The following CRACD variants were observed in gnomAD, a reference collection of about 807,000 sequenced individuals.
CRACD encodes capping protein inhibiting regulator of actin dynamics.
A neutral mutation model predicts 106.8 loss-of-function variants in CRACD; 56 were observed. The observed-to-expected ratio is 0.52, with a 90% CI of 0.42 to 0.66. The LOEUF is 0.66. Among genes scored for constraint, CRACD ranks in the 30% least tolerant of loss-of-function variants. The pLI, the probability that CRACD is intolerant of heterozygous loss-of-function variation, is 0.00. For missense variants in CRACD, 1,730 were observed against 1,623.2 expected (o/e 1.07, Z -1.13); for synonymous variants, 754 against 670.8 (o/e 1.12, Z -1.92).
chr4:56,306,935 G>A (rs1279124884), intron 4 of CRACD, among the ~76,000 whole-genome samples: 1 of 152,196 alleles, frequency 6.6e-6, no homozygotes, highest in Non-Finnish European at 1.5e-5. Context: ...AAGACTTGCT[G>A]GCCCTGGGGC....
rs1307114825 is a variant in CRACD, at chr4:56,136,498, G to T, written c.-335-42786G>T. 2.0e-5 allele frequency among the ~76,000 whole-genome samples: 3 copies of T among 152,126 alleles called. No homozygotes were observed. The South Asian group carries it at 6.2e-4, about 32-fold the overall frequency. On this transcript the variant is annotated intron_variant, in intron 1 of 10. Coordinates refer to ENST00000682029, the MANE Select transcript of CRACD (RefSeq NM_001393381.1). Reference sequence around the variant, plus strand: ...TCTTTTGTGATTTTAATTTGCATTTGCCTAATGGCTAATGATGTTAAACAT... The same window carrying T: ...TCTTTTGTGATTTTAATTTGCATTTTCCTAATGGCTAATGATGTTAAACAT...
chr4:56,280,634 A>G (rs762961616), intron 3 of CRACD, among the ~76,000 whole-genome samples: 1 of 115,152 alleles, frequency 8.7e-6, no homozygotes, highest in Non-Finnish European at 1.8e-5. Flanking sequence ...CATTTATTCA[A>G]TGAATGAATG....
intron 1 of CRACD, among the ~76,000 whole-genome samples, chr4:56,070,533 C>T (rs944822617): frequency 1.7e-4 from 26 of 152,112 alleles, no homozygotes; most frequent in East Asian, 1.9e-4. Flanking sequence ...GTGATCCGCC[C>T]GCCTCGGCCT....
intron 1 of CRACD, among the ~76,000 whole-genome samples, chr4:56,108,276 T>C (rs1734011078): frequency 6.6e-6 from 1 of 152,202 alleles, no homozygotes; most frequent in South Asian, 2.1e-4. Flanking sequence ...TATAATCCTG[T>C]ATCATTAATA....
chr4:56,068,847 G>A (rs1382585337), intron 1 of CRACD, among the ~76,000 whole-genome samples: 2 of 152,062 alleles, frequency 1.3e-5, no homozygotes, highest in African/African-American at 4.8e-5. Context: ...CCCCCTCCCC[G>A]AGACTCATGT....
At chr4:56,182,405 A>G (rs1467686192) in intron 2 of CRACD, among the ~76,000 whole-genome samples, 1 of 151,422 alleles carries the variant, frequency 6.6e-6, no homozygotes, top group Non-Finnish European at 1.5e-5. Flanking sequence ...GCAGAACAAC[A>G]ACTCCAAAAC....
chr4:56,096,529 A>G (rs1166059660), intron 1 of CRACD, among the ~76,000 whole-genome samples: 1 of 152,164 alleles, frequency 6.6e-6, no homozygotes, highest in Non-Finnish European at 1.5e-5. Context: ...CCTGGATGAC[A>G]TGGTGAAACC....
intron 8 of CRACD, among the ~76,000 whole-genome samples, chr4:56,318,937 T>C (rs1450890816): frequency 6.6e-6 from 1 of 152,208 alleles, no homozygotes; most frequent in Non-Finnish European, 1.5e-5. Flanking sequence ...TGCTATTTTT[T>C]ATTCTCTTTG....
intron 1 of CRACD, among the ~76,000 whole-genome samples, chr4:56,174,349 T>A (rs986882716): frequency 6.6e-6 from 1 of 152,234 alleles, no homozygotes; most frequent in African/African-American, 2.4e-5. Context: ...ACAATAAATA[T>A]TGTTAACTAA....
At chr4:56,292,900 A>T (rs1035376479) in intron 3 of CRACD, among the ~76,000 whole-genome samples, 13 of 152,170 alleles carry the variant, frequency 8.5e-5, no homozygotes, top group African/African-American at 3.1e-4. Context: ...GACCACAAGA[A>T]AAACAAGATA....
intron 2 of CRACD, among the ~76,000 whole-genome samples, chr4:56,239,259 C>T (rs903695116): frequency 6.6e-6 from 1 of 151,912 alleles, no homozygotes; most frequent in Non-Finnish European, 1.5e-5. Flanking sequence ...TGCCACTGCA[C>T]TCCCGCCTGC....
intron 1 of CRACD, among the ~76,000 whole-genome samples, chr4:56,178,366 G>T (rs1247805827): frequency 6.6e-6 from 1 of 152,012 alleles, no homozygotes; most frequent in South Asian, 2.1e-4. Context: ...AAAACCAGTG[G>T]GTGTCTCAAA....
chr4:56,087,016 C>CT (rs916138325), intron 1 of CRACD, among the ~76,000 whole-genome samples: 24 of 151,918 alleles, frequency 1.6e-4, no homozygotes, highest in Non-Finnish European at 2.5e-4. Context: ...GGGATTTTGT[C>CT]TTTTTTTTAT....
chr4:56,159,638 C>T (rs982194721), intron 1 of CRACD, among the ~76,000 whole-genome samples: 31 of 152,138 alleles, frequency 2.0e-4, no homozygotes, highest in East Asian at 7.7e-4. Context: ...GGTGACAGAG[C>T]GAGACTCCTT....
At chr4:56,247,937 A>T (rs1217615569) in intron 2 of CRACD, among the ~76,000 whole-genome samples, 1 of 152,132 alleles carries the variant, frequency 6.6e-6, no homozygotes, top group Non-Finnish European at 1.5e-5. Context: ...ACAGTACTCC[A>T]CAGTATTTTA....
At chr4:56,231,640 T>C (rs1230984253) in intron 2 of CRACD, among the ~76,000 whole-genome samples, 1 of 152,188 alleles carries the variant, frequency 6.6e-6, no homozygotes, top group African/African-American at 2.4e-5. Context: ...GAATGCAAAG[T>C]AGCAATGGTA....
At chr4:56,076,620 C>T (rs1419398547) in intron 1 of CRACD, among the ~76,000 whole-genome samples, 2 of 152,208 alleles carry the variant, frequency 1.3e-5, no homozygotes, top group African/African-American at 2.4e-5. Context: ...ATATCATTCC[C>T]TCTGCCTGGA....
rs1310629861 is a variant in CRACD, at chr4:56,315,002, C to T, written c.1500C>T (p.Ala500=). ...PLLKQEGPVE[A]AQPPVERKEA... is the part of the protein sequence containing the mutation. Reference sequence around the variant, plus strand: ...TGAAACAAGAGGGGCCGGTGGAAGCCGCGCAGCCTCCGGTGGAGAGGAAAG... The same window carrying T: ...TGAAACAAGAGGGGCCGGTGGAAGCTGCGCAGCCTCCGGTGGAGAGGAAAG... The change falls in exon 8 of 11, where the codon GCC becomes GCT. Residue 500 remains alanine, a synonymous_variant. Coordinates refer to ENST00000682029, the MANE Select transcript of CRACD (RefSeq NM_001393381.1). This position sits in a 1 kb window ranked among gnomAD's most constrained non-coding sequence, Gnocchi z 4.1. 5 of 1,586,706 alleles carry T rather than the reference C, an allele frequency of 3.2e-6. No individual in the cohort carries two copies. The South Asian group carries it at 3.4e-5, about 11-fold the overall frequency.
intron 1 of CRACD, among the ~76,000 whole-genome samples, chr4:56,148,882 C>T (rs1735486788): frequency 6.6e-6 from 1 of 150,978 alleles, no homozygotes; most frequent in Non-Finnish European, 1.5e-5. Flanking sequence ...GTGGCGTGAT[C>T]TCGGCTCGCT....
Sources: allele counts gnomAD v4.1 joint callset (sites outside exome capture counted in the v4.1 genomes callset), GRCh38; gene constraint gnomAD v4.1.1; non-coding constraint Gnocchi (gnomAD v3.1); transcripts MANE v1.5; gene names NCBI Gene and HGNC (gene_info 2026-07-23, HGNC 2026-07-21).